The following DMD variants were observed in gnomAD, a reference collection of about 807,000 sequenced individuals.
The protein encoded by DMD is mutant dystrophin.
A neutral mutation model predicts 330.1 loss-of-function variants in DMD; 63 were observed. The observed-to-expected ratio is 0.19, with a 90% CI of 0.16 to 0.24. The LOEUF is 0.24. Among genes scored for constraint, DMD ranks in the 10% least tolerant of loss-of-function variants. The pLI is 1.00. For synonymous variants in DMD, 1,223 were observed against 959.8 expected, an observed-to-expected ratio of 1.27 and a Z score of -5.07; for missense variants, 3,344 against 2,684.1, an observed-to-expected ratio of 1.25 and a Z score of -5.43.
At chrX:32,711,259 G>A (rs749662065) in intron 7 of DMD, among the ~76,000 whole-genome samples, 7 of 110,823 alleles carry the variant, frequency 6.3e-5, no homozygotes, top group Non-Finnish European at 1.1e-4. Flanking sequence ...CTGAAATGTC[G>A]GCCTCTCTCA....
chrX:32,723,396 G>T (rs1265782466), intron 7 of DMD, among the ~76,000 whole-genome samples: 1 of 111,118 alleles, frequency 9.0e-6, no homozygotes, highest in Non-Finnish European at 1.9e-5. Context: ...CTCTTGCGGT[G>T]TCTGTTTGAC....
chrX:31,979,485 C>T (rs1365567270), intron 44 of DMD, among the ~76,000 whole-genome samples: 3 of 112,340 alleles, frequency 2.7e-5, no homozygotes, highest in Non-Finnish European at 5.6e-5. Context: ...AAATGAGTGA[C>T]TGAGTTTCTT....
At position 31,588,844 on chromosome X, in the gene DMD, T is replaced by C. The variant is rs370721013; in HGVS notation, c.8217+38829A>G. Reference sequence around the variant, plus strand: ...AACTTTACTTTTTCCTTTTGTATATTAATCCATTACTAGATAGCAAAGTCT... The same window carrying C: ...AACTTTACTTTTTCCTTTTGTATATCAATCCATTACTAGATAGCAAAGTCT... On this transcript the variant is annotated intron_variant, in intron 55 of 78. Transcript: ENST00000357033. 1.7e-4 allele frequency among the ~76,000 whole-genome samples: 18 copies of C among 107,210 alleles called. No homozygotes were observed. The East Asian group carries it at 1.7e-3, about 10-fold the overall frequency. The allele number at this position is 107,210 out of a possible 115,157, so 93.1% of individuals were successfully genotyped here. A position where few individuals can be genotyped will look rare whatever the true frequency, so the allele number is the denominator to read the frequency against.
intron 62 of DMD, among the ~76,000 whole-genome samples, chrX:31,319,030 A>C (rs2056239412): frequency 8.9e-6 from 1 of 112,428 alleles, no homozygotes; most frequent in South Asian, 3.7e-4. Flanking sequence ...TATATGCAGA[A>C]GAGGTTATGA....
intron 44 of DMD, among the ~76,000 whole-genome samples, chrX:32,001,885 G>C (rs1354914159): frequency 9.0e-5 from 10 of 111,525 alleles, no homozygotes; most frequent in Non-Finnish European, 1.9e-5. Context: ...GGGTTAACTA[G>C]GAATTAGGAT....
intron 51 of DMD, among the ~76,000 whole-genome samples, chrX:31,759,930 C>T (rs1450612554): frequency 8.9e-6 from 1 of 111,841 alleles, no homozygotes; most frequent in African/African-American, 3.2e-5. Context: ...CTCAGAGGGA[C>T]ATACACATCC....
intron 51 of DMD, among the ~76,000 whole-genome samples, chrX:31,744,131 G>GTGTT (rs1437723012): frequency 2.7e-5 from 3 of 111,905 alleles, no homozygotes. Flanking sequence ...GCCTCCCAAA[G>GTGTT]TGTTAGGATT....
intron 7 of DMD, among the ~76,000 whole-genome samples, chrX:32,779,178 G>T (rs2074463692): frequency 9.0e-6 from 1 of 110,581 alleles, no homozygotes; most frequent in Admixed American, 9.7e-5. Context: ...AGGTGGCACA[G>T]TAGCTCACAC....
intron 9 of DMD, among the ~76,000 whole-genome samples, chrX:32,653,523 A>G (rs752223328): frequency 1.0e-3 from 112 of 111,454 alleles, no homozygotes; most frequent in African/African-American, 3.3e-3. Flanking sequence ...CTATATCTCT[A>G]TTCTGATACC....
intron 55 of DMD, among the ~76,000 whole-genome samples, chrX:31,518,878 T>C (rs1318549933): frequency 9.0e-6 from 1 of 111,286 alleles, no homozygotes; most frequent in Non-Finnish European, 1.9e-5. Flanking sequence ...TTATTTTTAT[T>C]CTCTTCCCTC....
rs5972392 is a variant in DMD, at chrX:31,497,053, T to C, written c.8391-109A>G. 3,862 of 990,827 alleles carry C rather than the reference T, an allele frequency of 3.9e-3. 12 individuals carry two copies. The highest frequency in any genetic ancestry group is 4.9e-3 in the Non-Finnish European group (3,532 of 719,010). The allele number at this position is 990,827 out of a possible 1,213,427, so 81.7% of individuals were successfully genotyped here. Reference sequence around the variant, plus strand: ...AAACCTATTGTGAACTACAAAGCAGTCTTGAATAAAAATCTGGCTACTTAC... The same window carrying C: ...AAACCTATTGTGAACTACAAAGCAGCCTTGAATAAAAATCTGGCTACTTAC... On this transcript the variant is annotated intron_variant, in intron 56 of 78. Transcript: ENST00000357033.
chrX:31,153,134 T>G (rs747243334), intron 74 of DMD, among the ~76,000 whole-genome samples: 5 of 111,869 alleles, frequency 4.5e-5, no homozygotes, highest in Middle Eastern at 9.3e-3. Context: ...GATACAGAGA[T>G]ATCACTCATT....
chrX:31,502,864 ACTTT>A (rs1298164577), intron 56 of DMD, among the ~76,000 whole-genome samples: 1 of 111,897 alleles, frequency 8.9e-6, no homozygotes, highest in African/African-American at 3.2e-5. Flanking sequence ...AATGAAAAAC[ACTTT>A]CTTTGACTAA....
intron 44 of DMD, among the ~76,000 whole-genome samples, chrX:32,182,523 C>A (rs1460564984): frequency 9.0e-6 from 1 of 111,165 alleles, no homozygotes; most frequent in African/African-American, 3.3e-5. Flanking sequence ...CTACATCCCC[C>A]TCCCCCCAGG....
intron 47 of DMD, among the ~76,000 whole-genome samples, chrX:31,891,628 G>A (rs1226553156): frequency 8.9e-6 from 1 of 112,251 alleles, no homozygotes. Context: ...ACGGGACACA[G>A]CCATGCCCAT....
intron 37 of DMD, 113 bp downstream of exon 37, chrX:32,362,675 A>C (rs748070828): frequency 2.3e-5 from 20 of 869,506 alleles, no homozygotes; most frequent in Non-Finnish European, 3.4e-5. Context: ...TTTGGCATTC[A>C]TTTTCCTTTT....
chrX:32,588,763 A>C (rs1468580294), intron 13 of DMD, among the ~76,000 whole-genome samples: 1 of 111,673 alleles, frequency 9.0e-6, no homozygotes, highest in East Asian at 2.8e-4. Context: ...TAATAAATAC[A>C]AGATAAGGTT....
At chrX:31,820,586 T>C (rs2092731866) in intron 49 of DMD, among the ~76,000 whole-genome samples, 1 of 111,958 alleles carries the variant, frequency 8.9e-6, no homozygotes, top group Admixed American at 9.4e-5. Flanking sequence ...ATGATGTCAG[T>C]AGACATTCTT....
At chrX:32,236,129 C>T (rs144381419) in intron 43 of DMD, among the ~76,000 whole-genome samples, 1,888 of 111,412 alleles carry the variant, frequency 0.017, 41 homozygotes, top group African/African-American at 0.057. Flanking sequence ...ATTTAAAGAC[C>T]GGTGAAGTGC....
Sources: allele counts gnomAD v4.1 joint callset (sites outside exome capture counted in the v4.1 genomes callset), GRCh38; gene constraint gnomAD v4.1.1; transcripts MANE v1.5; gene names NCBI Gene and HGNC (gene_info 2026-07-23, HGNC 2026-07-21).